Variants in DGKB observed in about 807,000 individuals in gnomAD.
DGKB encodes the protein diacylglycerol kinase beta.
Under a neutral mutation model 114.3 loss-of-function variants are expected in DGKB, and 67 were observed. The ratio of observed to expected loss-of-function variants is 0.59; its 90% confidence interval spans 0.48 to 0.72. The LOEUF (loss-of-function observed/expected upper bound fraction) is 0.72, where lower values mean the gene tolerates loss of function less well. Ranked by LOEUF, DGKB falls within the 30% of genes least tolerant of loss-of-function variation. DGKB has a pLI of 0.00. For missense variants in DGKB, 907 were observed against 975.2 expected (o/e 0.93, Z 0.93); for synonymous variants, 398 against 323.1 (o/e 1.23, Z -2.49).
rs1462563289 is a variant in DGKB at position 14,685,284 on chromosome 7, T to C, written c.790A>G (p.Met264Val). Residue 264 changes from methionine (M) to valine (V), a missense_variant, in exon 10 of 26, where the codon ATG (methionine) becomes GTG (valine). Physicochemically the swap from Met to Val is conservative, Grantham distance 21. Coordinates refer to ENST00000402815, the MANE Select transcript of DGKB (RefSeq NM_001350709.2). The part of the protein sequence containing the change: ...KPAYCNLCLN[M>V]LIGVGKQGLC... ...CCCTGCTTCCCCACGCCAATCAGCA[T>C]GTTCAGGCAAAGGTTGCAATAGGCA... 4 of 1,613,720 alleles carry C rather than the reference T, an allele frequency of 2.5e-6. No individual in the cohort carries two copies. Among genetic ancestry groups the C allele is most frequent in the Non-Finnish European group, 2.5e-6 (3 of 1,179,764 alleles).
intron 20 of DGKB, among the ~76,000 whole-genome samples, chr7:14,554,619 A>C (rs989094290): frequency 6.6e-6 from 1 of 152,134 alleles, no homozygotes; most frequent in African/African-American, 2.4e-5. Context: ...AGCCCATTAC[A>C]CAATATGGAT....
intron 23 of DGKB, among the ~76,000 whole-genome samples, chr7:14,313,561 T>A (rs1375401073): frequency 1.3e-5 from 2 of 152,172 alleles, no homozygotes; most frequent in East Asian, 3.9e-4. Context: ...ACCCGAATAC[T>A]GCGCTTTTCC....
At chr7:14,270,705 A>T (rs2128431694) in intron 23 of DGKB, among the ~76,000 whole-genome samples, 1 of 152,330 alleles carries the variant, frequency 6.6e-6, no homozygotes, top group South Asian at 2.1e-4. Flanking sequence ...CATCTGTCAA[A>T]CAGAAACTCA....
chr7:14,825,106 C>A (rs967219230), intron 2 of DGKB, among the ~76,000 whole-genome samples: 5 of 135,270 alleles, frequency 3.7e-5, no homozygotes, highest in Non-Finnish European at 7.8e-5. Context: ...TTTATCAATA[C>A]TGTTGTTCTA....
In DGKB at chr7:14,757,319, G is replaced by A. The variant is rs865871693; in HGVS notation, c.147+336C>T. ...CCTGACTTCTAGGAAAAGAACCAAC[G>A]CTACACTTAAATGATTCATATTCTT... On this transcript the variant is annotated intron_variant, in intron 3 of 25. Coordinates refer to ENST00000402815, the MANE Select transcript of DGKB (RefSeq NM_001350709.2). Among the ~76,000 whole-genome samples the A allele has an allele frequency of 7.2e-5, 11 of 152,044 alleles. No individual in the cohort carries two copies. The South Asian group carries it at 1.2e-3, about 17-fold the overall frequency.
chr7:14,926,752 G>A (rs1183439536), intron 1 of DGKB, among the ~76,000 whole-genome samples: 2 of 151,828 alleles, frequency 1.3e-5, no homozygotes, highest in Non-Finnish European at 2.9e-5. Context: ...CTCTGAAAGT[G>A]AATCTGGTAT....
In DGKB at chr7:14,511,471, G is replaced by A. The variant is rs1222380641; in HGVS notation, c.1771-33246C>T. On this transcript the variant is annotated intron_variant, in intron 20 of 25. Coordinates refer to ENST00000402815, the MANE Select transcript of DGKB (RefSeq NM_001350709.2). ...CCTTCATAGAACTGAAGAGAGTTAG[G>A]GTCTTGCTCTGAATTAGGATTTGAC... Among the ~76,000 whole-genome samples the A allele has an allele frequency of 3.3e-5, 5 of 152,206 alleles. No individual in the cohort carries two copies. In the South Asian group the frequency reaches 8.3e-4, roughly 25 times the overall value.
At chr7:14,868,190 T>C (rs1250492089) in intron 1 of DGKB, among the ~76,000 whole-genome samples, 2 of 152,102 alleles carry the variant, frequency 1.3e-5, no homozygotes, top group African/African-American at 4.8e-5. Context: ...GTGAATTTTG[T>C]GGATGCTTTT....
chr7:14,972,413 CAGATCAG>C (rs1409471076), intron 1 of DGKB, among the ~76,000 whole-genome samples: 7 of 151,882 alleles, frequency 4.6e-5, no homozygotes, highest in Admixed American at 4.6e-4. Context: ...TATTCATTTC[CAGATCAG>C]TTAACTAAAA....
chr7:14,171,227 C>T (rs923980569), intron 25 of DGKB, among the ~76,000 whole-genome samples: 8 of 152,168 alleles, frequency 5.3e-5, no homozygotes, highest in Non-Finnish European at 1.0e-4. Context: ...TAAATGTTTT[C>T]TAGAAGTTGC....
intron 23 of DGKB, among the ~76,000 whole-genome samples, chr7:14,220,399 C>G (rs1789743980): frequency 6.6e-6 from 1 of 151,396 alleles, no homozygotes; most frequent in South Asian, 2.1e-4. Flanking sequence ...ATTAAATGGT[C>G]TTGGCACTCT....
At chr7:14,371,421 T>C (rs982864042) in intron 21 of DGKB, among the ~76,000 whole-genome samples, 13 of 152,146 alleles carry the variant, frequency 8.5e-5, no homozygotes, top group African/African-American at 2.9e-4. Flanking sequence ...CTCTGATGAT[T>C]AGTGATGTTG....
chr7:14,278,503 A>G (rs1055511751), intron 23 of DGKB, among the ~76,000 whole-genome samples: 6 of 152,170 alleles, frequency 3.9e-5, no homozygotes, highest in Non-Finnish European at 7.4e-5. Context: ...CAAATGGACT[A>G]AACACTTAAA....
chr7:14,584,482 A>C (rs1800423588), intron 17 of DGKB, among the ~76,000 whole-genome samples: 1 of 152,198 alleles, frequency 6.6e-6, no homozygotes, highest in Admixed American at 6.6e-5. Context: ...ACTTTATGAT[A>C]TGTCTTTAAT....
chr7:14,658,850 G>C (rs1035368751), intron 13 of DGKB, among the ~76,000 whole-genome samples: 2 of 151,664 alleles, frequency 1.3e-5, no homozygotes, highest in Non-Finnish European at 2.9e-5. Flanking sequence ...TGTCCTTTCT[G>C]TGAACTAACA....
At chr7:14,469,437 G>T (rs1031689517) in intron 21 of DGKB, among the ~76,000 whole-genome samples, 1 of 151,966 alleles carries the variant, frequency 6.6e-6, no homozygotes, top group African/African-American at 2.4e-5. Context: ...TAAAAAATGT[G>T]GTGTGAAAGA....
At chr7:14,346,370 CAG>C (rs1249324097) in intron 21 of DGKB, among the ~76,000 whole-genome samples, 1 of 151,896 alleles carries the variant, frequency 6.6e-6, no homozygotes, top group East Asian at 1.9e-4. Context: ...TATTATTATG[CAG>C]AGTTCTCTGA....
intron 13 of DGKB, among the ~76,000 whole-genome samples, chr7:14,652,531 T>G (rs547918227): frequency 1.1e-4 from 16 of 152,016 alleles, no homozygotes; most frequent in Admixed American, 7.2e-4. Flanking sequence ...ACGTTAGACC[T>G]AAAACCATAA....
At chr7:14,167,768 A>C (rs1190973628) in intron 25 of DGKB, among the ~76,000 whole-genome samples, 1 of 152,228 alleles carries the variant, frequency 6.6e-6, no homozygotes, top group Non-Finnish European at 1.5e-5. Flanking sequence ...CTCACAGAAG[A>C]TAGAGCAGCT....
Sources: gnomAD v4.1 joint callset for allele counts (sites outside exome capture counted in the v4.1 genomes callset) on GRCh38, gnomAD v4.1.1 for gene constraint, MANE v1.5 for transcripts, NCBI Gene and HGNC (gene_info 2026-07-23, HGNC 2026-07-21) for gene names.